The following COL25A1 variants were observed in gnomAD, a reference collection of about 807,000 sequenced individuals.
COL25A1 encodes the protein collagen type XXV alpha 1 chain, also known as collagen alpha-1(XXV) chain.
In COL25A1, 103 loss-of-function variants were observed where a neutral mutation model predicts 128.4. The ratio of observed to expected loss-of-function variants is 0.80; its 90% CI spans 0.68 to 0.94. The LOEUF (loss-of-function observed/expected upper bound fraction) is 0.94, where lower values mean the gene tolerates loss of function less well. Among genes scored for constraint, COL25A1 ranks in the 40% least tolerant of loss-of-function variants. The probability of loss-of-function intolerance (pLI) is 0.00; values close to 1 mark genes in which losing one functional copy is unlikely to be tolerated. For missense variants in COL25A1, 745 were observed against 840.0 expected, an observed-to-expected ratio of 0.89 and a Z score of 1.40; for synonymous variants, 279 against 277.2, an observed-to-expected ratio of 1.01 and a Z score of -0.06.
rs1210872326 is a variant in COL25A1 at position 108,966,860 on chromosome 4, GAAAGA to G, written c.492+7502_492+7506del. ...AGTGAGACCCTGTCTTAAAAGAAAA[GAAAGA>G]AAAGAAAAGAAAAAAAGAAAAGGAA... On this transcript the variant is annotated intron_variant, in intron 8 of 37. Transcript: ENST00000399132. 9.8e-5 allele frequency among the ~76,000 whole-genome samples: 12 copies of G among 122,954 alleles called. No homozygotes were observed. The East Asian group carries it at 1.6e-3, about 16-fold the overall frequency. The allele number at this position is 122,954 out of a possible 152,430, so 80.7% of individuals were successfully genotyped here. A position where few individuals can be genotyped will look rare whatever the true frequency, so the allele number is the denominator to read the frequency against.
chr4:109,270,855 T>A (rs1782144296), intron 3 of COL25A1, among the ~76,000 whole-genome samples: 1 of 152,236 alleles, frequency 6.6e-6, no homozygotes, highest in Non-Finnish European at 1.5e-5. Context: ...AATTATCTAA[T>A]ATCTTGCCAG....
chr4:109,043,944 G>A (rs186593640), intron 5 of COL25A1, among the ~76,000 whole-genome samples: 1 of 152,184 alleles, frequency 6.6e-6, no homozygotes, highest in East Asian at 1.9e-4. Flanking sequence ...CATGCACAGA[G>A]TCCATTAGAA....
intron 8 of COL25A1, among the ~76,000 whole-genome samples, chr4:108,953,715 A>G (rs1209098093): frequency 6.6e-6 from 1 of 152,120 alleles, no homozygotes; most frequent in African/African-American, 2.4e-5. Context: ...TTTAAGAAAA[A>G]ATAAATGCTT....
At chr4:108,856,809 T>A (rs1578559954) in intron 24 of COL25A1, among the ~76,000 whole-genome samples, 2 of 152,114 alleles carry the variant, frequency 1.3e-5, no homozygotes, top group Admixed American at 1.3e-4. Context: ...TCACATTTTT[T>A]AAAAAGTACA....
chr4:109,226,928 TAAAG>T (rs1169127324), intron 3 of COL25A1, among the ~76,000 whole-genome samples: 1 of 152,124 alleles, frequency 6.6e-6, no homozygotes. Flanking sequence ...ACCAGATTCA[TAAAG>T]AAATTGGTCA....
At position 109,195,934 on chromosome 4, in the gene COL25A1, A is replaced by G. The variant is rs560197836; in HGVS notation, c.367+104649T>C. Among the ~76,000 whole-genome samples the G allele has an allele frequency of 2.4e-4, 36 of 152,348 alleles. No individual in the cohort carries two copies. In the South Asian group the frequency reaches 7.5e-3, roughly 32 times the overall value. On this transcript the variant is annotated intron_variant, in intron 3 of 37. Transcript: ENST00000399132. ...AATGTGGTAAGTATACTTGGCTCCC[A>G]GTATAGGGACTTCCAGCTATTCTTT...
chr4:109,033,174 A>C (rs1253861825), intron 5 of COL25A1, among the ~76,000 whole-genome samples: 1 of 152,264 alleles, frequency 6.6e-6, no homozygotes, highest in Non-Finnish European at 1.5e-5. Flanking sequence ...GTTTCAGTTC[A>C]GTTCACACAC....
intron 3 of COL25A1, among the ~76,000 whole-genome samples, chr4:109,238,837 A>G (rs961462832): frequency 1.3e-5 from 2 of 151,992 alleles, no homozygotes; most frequent in Non-Finnish European, 2.9e-5. Flanking sequence ...TCCATTACCA[A>G]TATTTATGAA....
chr4:108,860,846 C>T (rs1019189806), intron 23 of COL25A1, 81 bp downstream of exon 23: 7 of 1,134,944 alleles, frequency 6.2e-6, no homozygotes, highest in African/African-American at 6.1e-5. Context: ...ATACAGATGT[C>T]ATATGAATAG....
intron 3 of COL25A1, among the ~76,000 whole-genome samples, chr4:109,250,417 G>A (rs1271653088): frequency 1.1e-5 from 1 of 94,464 alleles, no homozygotes; most frequent in Non-Finnish European, 1.9e-5. Context: ...GAGAGAGAAG[G>A]TAAAGAATTA....
rs1026114605 is a variant in COL25A1, at chr4:108,824,344, A to G, written c.1792-117T>C. On this transcript the variant is annotated intron_variant, in intron 34 of 37. Transcript: ENST00000399132. ...GCTTAAATATAACAAGAAATGGCTC[A>G]CCAGTGTTAAGACTTAGATAATAAA... 3 of 711,488 alleles carry G rather than the reference A, an allele frequency of 4.2e-6. No homozygotes were observed. In the East Asian group the frequency reaches 7.8e-5, roughly 19 times the overall value. 44.1% of individuals were successfully genotyped at this position (711,488 alleles called of 1,614,324 possible). A position where few individuals can be genotyped will look rare whatever the true frequency, so the allele number is the denominator to read the frequency against.
intron 3 of COL25A1, among the ~76,000 whole-genome samples, chr4:109,288,709 A>T (rs74715974): frequency 0.022 from 3,412 of 152,186 alleles, 137 homozygotes; most frequent in African/African-American, 0.077. Context: ...TGCCTCAAAC[A>T]AATTGTCAGT....
intron 24 of COL25A1, among the ~76,000 whole-genome samples, chr4:108,859,096 C>A (rs111662186): frequency 2.0e-5 from 3 of 152,106 alleles, no homozygotes; most frequent in Non-Finnish European, 4.4e-5. Flanking sequence ...TATATGGTAG[C>A]AGTAATAAGA....
intron 3 of COL25A1, among the ~76,000 whole-genome samples, chr4:109,097,843 T>TTGTATTAGAGA (rs1240151046): frequency 9.2e-5 from 14 of 151,710 alleles, no homozygotes; most frequent in Non-Finnish European, 1.9e-4. Flanking sequence ...TTTGTATTTT[T>TTGTATTAGAGA]AACAGAGATG....
chr4:109,173,255 T>C (rs918509528), intron 3 of COL25A1, among the ~76,000 whole-genome samples: 7 of 147,176 alleles, frequency 4.8e-5, no homozygotes, highest in African/African-American at 1.7e-4. Flanking sequence ...CCAGCTAATT[T>C]AAAAAAAAAA....
At chr4:109,057,564 G>A (rs1761570389) in intron 3 of COL25A1, among the ~76,000 whole-genome samples, 1 of 150,236 alleles carries the variant, frequency 6.7e-6, no homozygotes, top group African/African-American at 2.4e-5. Flanking sequence ...TTATAGGCAT[G>A]AGCCACTGTG....
At chr4:109,097,332 T>C (rs1467802809) in intron 3 of COL25A1, among the ~76,000 whole-genome samples, 1 of 151,614 alleles carries the variant, frequency 6.6e-6, no homozygotes, top group Non-Finnish European at 1.5e-5. Context: ...TGGCCGAGTA[T>C]GGTGGCCTGT....
chr4:109,008,541 A>C (rs752449940), intron 6 of COL25A1, among the ~76,000 whole-genome samples: 50 of 152,192 alleles, frequency 3.3e-4, no homozygotes, highest in Non-Finnish European at 4.9e-4. Context: ...AGGTCCTATT[A>C]AAAATTAAAA....
chr4:109,239,376 A>ATGTGTG (rs57537875), intron 3 of COL25A1, among the ~76,000 whole-genome samples: 1 of 118,082 alleles, frequency 8.5e-6, no homozygotes, highest in African/African-American at 3.5e-5. Context: ...ATGTGTGTGT[A>ATGTGTG]TGTGTGTGTG....
Sources: allele counts gnomAD v4.1 joint callset (sites outside exome capture counted in the v4.1 genomes callset), GRCh38; gene constraint gnomAD v4.1.1; transcripts MANE v1.5; gene names NCBI Gene and HGNC (gene_info 2026-07-23, HGNC 2026-07-21).